The following PDGFD variants were observed in gnomAD, a reference collection of about 807,000 sequenced individuals.
PDGFD encodes the protein platelet derived growth factor D.
In PDGFD, 30 loss-of-function variants were observed where a neutral mutation model predicts 44.7. The ratio of observed to expected loss-of-function variants is 0.67; its 90% CI spans 0.50 to 0.91. PDGFD has a LOEUF of 0.91. Among genes scored for constraint, PDGFD ranks in the 40% least tolerant of loss-of-function variants. PDGFD has a pLI of 0.00. For missense variants in PDGFD, 445 were observed against 457.8 expected (o/e 0.97, Z 0.25); for synonymous variants, 173 against 168.4 (o/e 1.03, Z -0.21).
At chr11:103,970,782 T>C (rs2134344057) in intron 3 of PDGFD, among the ~76,000 whole-genome samples, 1 of 152,184 alleles carries the variant, frequency 6.6e-6, no homozygotes, top group African/African-American at 2.4e-5. Flanking sequence ...TGATGCTCCC[T>C]GGGGGCATAA....
intron 1 of PDGFD, among the ~76,000 whole-genome samples, chr11:104,010,784 T>A (rs1859773282): frequency 1.3e-5 from 2 of 152,040 alleles, no homozygotes; most frequent in South Asian, 4.1e-4. Context: ...GTGAAAAAAA[T>A]GAAATAATAA....
At chr11:103,964,772 A>T (rs1858989300) in intron 3 of PDGFD, among the ~76,000 whole-genome samples, 1 of 152,038 alleles carries the variant, frequency 6.6e-6, no homozygotes, top group Admixed American at 6.6e-5. Context: ...CAGTAGTACT[A>T]CTGGTCCAGG....
At chr11:103,985,666 T>C (rs1366888196) in intron 3 of PDGFD, among the ~76,000 whole-genome samples, 1 of 149,208 alleles carries the variant, frequency 6.7e-6, no homozygotes, top group African/African-American at 2.6e-5. Flanking sequence ...GACTAAAGAA[T>C]ATGTGTAAGG....
At chr11:103,942,780 T>C (rs1858606271) in intron 5 of PDGFD, among the ~76,000 whole-genome samples, 1 of 152,122 alleles carries the variant, frequency 6.6e-6, no homozygotes, top group South Asian at 2.1e-4. Flanking sequence ...AAACTATCAA[T>C]TACACAAGCA....
intron 1 of PDGFD, among the ~76,000 whole-genome samples, chr11:104,142,072 C>A (rs541829784): frequency 6.6e-6 from 1 of 152,186 alleles, no homozygotes; most frequent in East Asian, 1.9e-4. Context: ...TCACACTTAC[C>A]ATATTAATAC....
At chr11:104,014,331 A>T (rs1859828782) in intron 1 of PDGFD, among the ~76,000 whole-genome samples, 1 of 152,154 alleles carries the variant, frequency 6.6e-6, no homozygotes. Flanking sequence ...CCCCATGTCT[A>T]CTAAAAATAA....
chr11:103,977,994 A>C (rs1250582733), intron 3 of PDGFD, among the ~76,000 whole-genome samples: 1 of 152,092 alleles, frequency 6.6e-6, no homozygotes, highest in Non-Finnish European at 1.5e-5. Context: ...TCAGAAAACA[A>C]ACTTGCACAA....
chr11:103,966,302 C>A (rs1302404134), intron 3 of PDGFD, among the ~76,000 whole-genome samples: 1 of 152,206 alleles, frequency 6.6e-6, no homozygotes, highest in Non-Finnish European at 1.5e-5. Flanking sequence ...CTGATACTTT[C>A]TGTGGCTCCA....
At chr11:103,958,990 G>C (rs10895552) in intron 3 of PDGFD, among the ~76,000 whole-genome samples, 9,907 of 152,200 alleles carry the variant, frequency 0.065, 893 homozygotes, top group East Asian at 0.22. Flanking sequence ...CAAAGCCACA[G>C]TCAACACAGC....
At chr11:104,020,665 A>G (rs1329246051) in intron 1 of PDGFD, among the ~76,000 whole-genome samples, 1 of 152,132 alleles carries the variant, frequency 6.6e-6, no homozygotes, top group South Asian at 2.1e-4. Context: ...CAGACATTTT[A>G]TACTTCATTT....
intron 1 of PDGFD, among the ~76,000 whole-genome samples, chr11:104,002,119 T>G (rs1751186990): frequency 6.6e-6 from 1 of 152,118 alleles, no homozygotes. Flanking sequence ...GCAGACAACT[T>G]CCTAGGAGAC....
At chr11:104,160,958 T>C (rs1447975896) in intron 1 of PDGFD, among the ~76,000 whole-genome samples, 1 of 152,158 alleles carries the variant, frequency 6.6e-6, no homozygotes, top group Non-Finnish European at 1.5e-5. Flanking sequence ...GCATAGTATA[T>C]CAAGAAGTTG....
chr11:104,122,773 C>T (rs759179692), intron 1 of PDGFD, among the ~76,000 whole-genome samples: 1 of 151,968 alleles, frequency 6.6e-6, no homozygotes, highest in South Asian at 2.1e-4. Context: ...GGAAAATACA[C>T]ATGCCTTTAA....
chr11:104,137,479 T>G (rs1862024845), intron 1 of PDGFD, among the ~76,000 whole-genome samples: 1 of 152,094 alleles, frequency 6.6e-6, no homozygotes, highest in South Asian at 2.1e-4. Context: ...AATAGAAAAT[T>G]TATCGTATTG....
At chr11:103,947,867 C>A in intron 3 of PDGFD, 143 bp from the exon 4 acceptor site, 1 of 677,558 alleles carries the variant, frequency 1.5e-6, no homozygotes, top group Non-Finnish European at 2.7e-6. Flanking sequence ...AACAGGTCAC[C>A]ATTTGTCTTA....
intron 1 of PDGFD, among the ~76,000 whole-genome samples, chr11:104,150,303 G>A (rs1591187731): frequency 2.0e-5 from 3 of 151,906 alleles, no homozygotes; most frequent in African/African-American, 4.8e-5. Context: ...TCAATCTTTC[G>A]GACACGGAAT....
intron 1 of PDGFD, among the ~76,000 whole-genome samples, chr11:104,060,319 C>A (rs544470508): frequency 6.6e-6 from 1 of 152,280 alleles, no homozygotes; most frequent in Admixed American, 6.5e-5. Context: ...CTTCCTCTTT[C>A]CTGGGCTAGG....
intron 1 of PDGFD, among the ~76,000 whole-genome samples, chr11:104,057,272 G>A (rs1447954622): frequency 2.0e-5 from 3 of 152,266 alleles, no homozygotes; most frequent in African/African-American, 7.2e-5. Flanking sequence ...TTGCTATAAT[G>A]TCAATCTCCC....
At chr11:104,067,151 T>C (rs361266) in intron 1 of PDGFD, among the ~76,000 whole-genome samples, 70,854 of 152,012 alleles carry the variant, frequency 0.47, 18,185 homozygotes, top group African/African-American at 0.69. Context: ...TCAGTTCCCA[T>C]GATTGTACAC....
Sources: gnomAD v4.1 joint callset for allele counts (sites outside exome capture counted in the v4.1 genomes callset) on GRCh38, gnomAD v4.1.1 for gene constraint, MANE v1.5 for transcripts, NCBI Gene and HGNC (gene_info 2026-07-23, HGNC 2026-07-21) for gene names.